MMS19: variants seen among roughly 807,000 people sequenced by gnomAD.
MMS19 encodes the protein MMS19 cytosolic iron-sulfur assembly component.
In MMS19, 77 loss-of-function variants were observed where a neutral mutation model predicts 129.8. The observed-to-expected ratio is 0.59, with a 90% CI of 0.49 to 0.72. MMS19 has a LOEUF of 0.72. Ranked by LOEUF, MMS19 falls within the 30% of genes least tolerant of loss-of-function variation. The pLI is 0.00. For synonymous variants in MMS19, 491 were observed against 502.8 expected, an observed-to-expected ratio of 0.98 and a Z score of 0.31; for missense variants, 1,168 against 1,266.3, an observed-to-expected ratio of 0.92 and a Z score of 1.18.
intron 1 of MMS19, among the ~76,000 whole-genome samples, chr10:97,486,687 A>C (rs1004156394): frequency 2.0e-5 from 3 of 151,894 alleles, no homozygotes; most frequent in African/African-American, 7.3e-5. Flanking sequence ...GCGTTTTTTA[A>C]AACAAGCACT....
At chr10:97,498,732 T>C (rs2040258576), upstream of MMS19, 1 of 324,538 alleles carries the variant, frequency 3.1e-6, no homozygotes, top group South Asian at 4.0e-5. Context: ...GGCCCAGCCC[T>C]AGGGGGCGGT....
chr10:97,491,271 G>A (rs939429376), intron 1 of MMS19, among the ~76,000 whole-genome samples: 1 of 152,240 alleles, frequency 6.6e-6, no homozygotes, highest in Non-Finnish European at 1.5e-5. Flanking sequence ...AAAACCCTCT[G>A]TGGATGTCAG....
rs1026130558 is a variant in MMS19 at position 97,458,597 on chromosome 10, C to T, written c.*95G>A. ...GTGCTGTGTCTGTGGGAAAGGCAGTCAGAGACCAGTGGTTTCCCTGCTTTG... is the reference window on the plus strand; with the variant it reads ...GTGCTGTGTCTGTGGGAAAGGCAGTTAGAGACCAGTGGTTTCCCTGCTTTG... On this transcript the variant is annotated 3_prime_UTR_variant, in exon 31 of 31. Transcript: ENST00000438925. 1 of 1,300,778 alleles carries T rather than the reference C, an allele frequency of 7.7e-7. No homozygotes were observed. Among genetic ancestry groups the T allele is most frequent in the Admixed American group, 2.3e-5 (1 of 42,618 alleles). The allele number at this position is 1,300,778 out of a possible 1,614,324, so 80.6% of individuals were successfully genotyped here.
intron 9 of MMS19, among the ~76,000 whole-genome samples, chr10:97,470,504 T>G (rs2034461754): frequency 6.6e-6 from 1 of 152,140 alleles, no homozygotes; most frequent in African/African-American, 2.4e-5. Flanking sequence ...CAGGCTGGAT[T>G]TGAACTCCTG....
intron 22 of MMS19, 96 bp from the exon 23 acceptor site, chr10:97,461,718 T>C: frequency 6.5e-7 from 1 of 1,546,774 alleles, no homozygotes; most frequent in Non-Finnish European, 8.8e-7. Flanking sequence ...GGATGAGAAC[T>C]AACTTCTCTG....
chr10:97,497,874 C>G, intron 1 of MMS19, among the ~76,000 whole-genome samples: 1 of 152,156 alleles, frequency 6.6e-6, no homozygotes. Context: ...TGCGAGGATG[C>G]ACCTCCACAC....
chr10:97,491,495 T>A (rs1008706401), intron 1 of MMS19, among the ~76,000 whole-genome samples: 1 of 151,992 alleles, frequency 6.6e-6, no homozygotes, highest in Non-Finnish European at 1.5e-5. Flanking sequence ...TGAAACCCCA[T>A]CTCTACCAAA....
At chr10:97,491,969 T>C (rs900283315) in intron 1 of MMS19, among the ~76,000 whole-genome samples, 2 of 151,408 alleles carry the variant, frequency 1.3e-5, no homozygotes, top group Admixed American at 1.3e-4. Context: ...GGCAAAAACC[T>C]GTCTCTACTA....
chr10:97,477,428 G>A lies in MMS19; in HGVS notation c.424-12C>T, dbSNP rs1274394292. On this transcript the variant is annotated splice_polypyrimidine_tract_variant and intron_variant, in intron 5 of 30. Transcript: ENST00000438925. The stretch of plus-strand genomic sequence containing the variant: ...ACCTGTGGCAGGGACTTGGGGGTGG[G>A]GGAGAAAGAAGTGAAGAAAATGCTC... 6.2e-7 allele frequency: 1 copy of A among 1,613,910 alleles called. No individual in the cohort carries two copies. The highest frequency in any genetic ancestry group is 8.5e-7 in the Non-Finnish European group (1 of 1,179,880).
At chr10:97,462,155 G>C in intron 20 of MMS19, 36 bp from the exon 21 acceptor site, 2 of 1,473,738 alleles carry the variant, frequency 1.4e-6, no homozygotes, top group Admixed American at 3.9e-5. Flanking sequence ...CAAGGAGCTA[G>C]GATTCTAAAG....
At chr10:97,488,990 C>T (rs1252359028) in intron 1 of MMS19, among the ~76,000 whole-genome samples, 2 of 152,112 alleles carry the variant, frequency 1.3e-5, no homozygotes, top group Non-Finnish European at 2.9e-5. Flanking sequence ...CAGCATCCTG[C>T]TCTGTTGCCC....
At chr10:97,485,818 G>C (rs1001916031) in intron 1 of MMS19, among the ~76,000 whole-genome samples, 2 of 152,226 alleles carry the variant, frequency 1.3e-5, no homozygotes, top group Admixed American at 6.5e-5. Flanking sequence ...AAAAAGACAA[G>C]AGATAACAAG....
intron 25 of MMS19, 44 bp downstream of exon 25, chr10:97,460,650 AG>A (rs1349119801): frequency 1.3e-6 from 2 of 1,502,832 alleles, no homozygotes; most frequent in East Asian, 4.8e-5. Flanking sequence ...GCAACCAGAA[AG>A]TTTGTTTAGG....
intron 2 of MMS19, among the ~76,000 whole-genome samples, chr10:97,482,172 T>C (rs1193403328): frequency 2.6e-5 from 4 of 151,998 alleles, no homozygotes; most frequent in Admixed American, 1.3e-4. Context: ...TGAGACCCTG[T>C]CTCAAAGAAA....
chr10:97,487,438 C>T (rs932633145), intron 1 of MMS19, among the ~76,000 whole-genome samples: 1 of 151,756 alleles, frequency 6.6e-6, no homozygotes, highest in African/African-American at 2.4e-5. Context: ...CCTGCCTCAG[C>T]CTCCTGAGTA....
chr10:97,477,301 A>T, intron 6 of MMS19, 46 bp downstream of exon 6: 1 of 1,613,880 alleles, frequency 6.2e-7, no homozygotes, highest in Non-Finnish European at 8.5e-7. Context: ...GGGAAAAAGT[A>T]GGATGTGCTT....
intron 3 of MMS19, among the ~76,000 whole-genome samples, chr10:97,478,913 T>C (rs994330174): frequency 6.6e-6 from 1 of 152,172 alleles, no homozygotes; most frequent in African/African-American, 2.4e-5. Context: ...TAAACACAAA[T>C]ACCCACACAC....
chr10:97,472,499 C>T (rs761102540), intron 8 of MMS19, among the ~76,000 whole-genome samples: 3 of 152,164 alleles, frequency 2.0e-5, no homozygotes, highest in Non-Finnish European at 2.9e-5. Context: ...CTTGGCCTTT[C>T]GAAGTGTTGA....
intron 8 of MMS19, 28 bp from the exon 9 acceptor site, chr10:97,470,889 T>C (rs1243467631): frequency 6.2e-7 from 1 of 1,606,522 alleles, no homozygotes. Context: ...GCTGTGGGTT[T>C]GTGTAACATT....
Sources: gnomAD v4.1 joint callset for allele counts (sites outside exome capture counted in the v4.1 genomes callset) on GRCh38, gnomAD v4.1.1 for gene constraint, MANE v1.5 for transcripts, NCBI Gene and HGNC (gene_info 2026-07-23, HGNC 2026-07-21) for gene names.